COL6A6: variants seen among roughly 807,000 people sequenced by gnomAD.
The protein encoded by COL6A6 is collagen alpha-6(VI) chain.
Under a neutral mutation model 208.6 loss-of-function variants are expected in COL6A6, and 183 were observed. The observed-to-expected ratio is 0.88, with a 90% confidence interval of 0.78 to 0.99. COL6A6 has a LOEUF of 0.99. COL6A6 is among the 50% of genes least tolerant of loss of function. COL6A6 has a pLI of 0.00. For synonymous variants in COL6A6, 973 were observed against 1,011.8 expected, an observed-to-expected ratio of 0.96 and a Z score of 0.73; for missense variants, 2,816 against 2,815.2, an observed-to-expected ratio of 1.00 and a Z score of -0.01.
Position 130,675,477 on chromosome 3 carries a change from T to A in COL6A6, c.*80T>A. 1 of 1,053,054 alleles carries A rather than the reference T, an allele frequency of 9.5e-7. No individual in the cohort carries two copies. The highest frequency in any genetic ancestry group is 1.4e-6 in the Non-Finnish European group (1 of 739,966). 65.2% of individuals were successfully genotyped at this position (1,053,054 alleles called of 1,614,324 possible). A position where few individuals can be genotyped will look rare whatever the true frequency, so the allele number is the denominator to read the frequency against. On this transcript the variant is annotated 3_prime_UTR_variant, in exon 37 of 37. Coordinates refer to ENST00000358511, the MANE Select transcript of COL6A6 (RefSeq NM_001102608.3). ...TAGTAACTAAATCTGCTGCCAGAAC[T>A]CAAGCAACAGTTTGTAGGTTATCAG...
At chr3:130,533,335 G>C (rs745576108) in intron 1 of COL6A6, among the ~76,000 whole-genome samples, 1 of 148,668 alleles carries the variant, frequency 6.7e-6, no homozygotes, top group Non-Finnish European at 1.5e-5. Context: ...TCATCACTTC[G>C]TCACCTCCTT....
chr3:130,519,579 T>TAAGG (rs1439383306), intron 1 of COL6A6, among the ~76,000 whole-genome samples: 1 of 152,222 alleles, frequency 6.6e-6, no homozygotes, highest in Non-Finnish European at 1.5e-5. Context: ...ATTTAAAGTA[T>TAAGG]AAGGTAGATT....
rs182616261 is a variant in COL6A6 at position 130,599,462 on chromosome 3, G to A, written c.4600-295G>A. Among the ~76,000 whole-genome samples, 138 of 152,162 alleles carry A rather than the reference G, an allele frequency of 9.1e-4. 1 individual carries two copies. In the Middle Eastern group the frequency reaches 0.024, roughly 26 times the overall value. Reference sequence around the variant, plus strand: ...CTTTAGTTATCCACACTGTGGCAACGTAGTAGGGATAGTTTGAATTATCTG... The same window carrying A: ...CTTTAGTTATCCACACTGTGGCAACATAGTAGGGATAGTTTGAATTATCTG... On this transcript the variant is annotated intron_variant, in intron 19 of 36. Coordinates refer to ENST00000358511, the MANE Select transcript of COL6A6 (RefSeq NM_001102608.3).
At chr3:130,529,287 T>TA (rs563804664) in intron 1 of COL6A6, among the ~76,000 whole-genome samples, 4,681 of 98,486 alleles carry the variant, frequency 0.048, 88 homozygotes, top group South Asian at 0.12. Context: ...GCAGGAAATG[T>TA]AAAAAAAAAA....
intron 27 of COL6A6, among the ~76,000 whole-genome samples, chr3:130,635,437 A>G (rs1182373050): frequency 6.6e-6 from 1 of 152,188 alleles, no homozygotes; most frequent in Non-Finnish European, 1.5e-5. Flanking sequence ...ATAGAGTCAG[A>G]GGATAAAATA....
At chr3:130,636,564 A>G (rs550024053) in intron 28 of COL6A6, among the ~76,000 whole-genome samples, 1 of 152,254 alleles carries the variant, frequency 6.6e-6, no homozygotes, top group South Asian at 2.1e-4. Context: ...AAGAATTTTA[A>G]AAGTCTGATA....
rs369136687 is a variant in COL6A6, at chr3:130,599,758, G to A, written c.4601G>A (p.Gly1534Asp). 12 of 1,613,678 alleles carry A rather than the reference G, an allele frequency of 7.4e-6. No homozygotes were observed. The highest frequency in any genetic ancestry group is 1.3e-5 in the African/African-American group (1 of 75,032). Residue 1534 changes from glycine to aspartate, a missense_variant and splice_region_variant, in exon 20 of 37, where the codon GGC becomes GAC. Gly to Asp is a moderately conservative substitution (Grantham distance 94, BLOSUM62 -1). Coordinates refer to ENST00000358511, the MANE Select transcript of COL6A6 (RefSeq NM_001102608.3). ...CACATCTGTCTGTTCCTTTGACAGGGCAGAAGAGGCTGGCCAGGCCCCCCC... is the reference window on the plus strand; with the variant it reads ...CACATCTGTCTGTTCCTTTGACAGGACAGAAGAGGCTGGCCAGGCCCCCCC... The part of the protein sequence containing the change: ...TGLKGERGRQ[G>D]RRGWPGPPGT...
chr3:130,643,428 G>A (rs1438747814), intron 31 of COL6A6, among the ~76,000 whole-genome samples: 4 of 152,138 alleles, frequency 2.6e-5, no homozygotes, highest in Non-Finnish European at 5.9e-5. Flanking sequence ...TGGTGGGTGC[G>A]AGTCCTGACT....
chr3:130,573,979 C>A lies in COL6A6; in HGVS notation c.3001C>A (p.Leu1001Ile). 6.2e-7 allele frequency: 1 copy of A among 1,611,088 alleles called. No homozygotes were observed. Among genetic ancestry groups the A allele is most frequent in the Non-Finnish European group, 8.5e-7 (1 of 1,177,494 alleles). Residue 1001 changes from leucine (L) to isoleucine (I), a missense_variant, in exon 8 of 37, where the codon CTT becomes ATT. Leu to Ile is a conservative substitution (Grantham distance 5). Coordinates refer to ENST00000358511, the MANE Select transcript of COL6A6 (RefSeq NM_001102608.3). ...KVDCEIDKVD[L>I]VFLMDGSTSI... is the part of the protein sequence containing the mutation. ...AGATTGTGAAATTGACAAAGTAGATCTTGTTTTCCTTATGGATGGTTCAAC... is the reference window on the plus strand; with the variant it reads ...AGATTGTGAAATTGACAAAGTAGATATTGTTTTCCTTATGGATGGTTCAAC...
chr3:130,587,534 A>G (rs934615847), intron 11 of COL6A6, among the ~76,000 whole-genome samples: 13 of 152,364 alleles, frequency 8.5e-5, no homozygotes, highest in African/African-American at 3.1e-4. Context: ...CCTGTATAAG[A>G]TGTATCTCAA....
intron 8 of COL6A6, among the ~76,000 whole-genome samples, chr3:130,575,278 T>G (rs2063267910): frequency 6.6e-6 from 1 of 152,252 alleles, no homozygotes; most frequent in Admixed American, 6.5e-5. Context: ...TTTTTCACCT[T>G]TGAAATGTGA....
chr3:130,627,168 C>A, intron 25 of COL6A6, 151 bp from the exon 26 acceptor site: 1 of 642,010 alleles, frequency 1.6e-6, no homozygotes, highest in African/African-American at 1.8e-5. Flanking sequence ...GTACTACTAT[C>A]ATAAAATGTT....
intron 23 of COL6A6, among the ~76,000 whole-genome samples, chr3:130,615,775 T>C (rs2108241079): frequency 6.6e-6 from 1 of 152,304 alleles, no homozygotes; most frequent in East Asian, 1.9e-4. Context: ...ATATAAAATA[T>C]GGAGATGTGA....
Position 130,594,266 on chromosome 3 carries a change from T to C in COL6A6, c.4471-15T>C. 1 of 1,596,398 alleles carries C rather than the reference T, an allele frequency of 6.3e-7. No homozygotes were observed. ...CTTCTTGTCTTGTTTTTCTTCTGAT[T>C]TGTATTAACTTTAGGGAAGCCCAGG... On this transcript the variant is annotated splice_polypyrimidine_tract_variant and intron_variant, in intron 17 of 36. Transcript: ENST00000358511.
intron 7 of COL6A6, among the ~76,000 whole-genome samples, chr3:130,572,081 C>T (rs1007470971): frequency 6.6e-6 from 1 of 152,076 alleles, no homozygotes; most frequent in African/African-American, 2.4e-5. Context: ...GAAACAAATT[C>T]TCCTCCTAAG....
chr3:130,671,407 T>G (rs2066212489), intron 36 of COL6A6, among the ~76,000 whole-genome samples: 1 of 152,230 alleles, frequency 6.6e-6, no homozygotes, highest in East Asian at 1.9e-4. Flanking sequence ...ATTCACTGGA[T>G]GCTCAGCTTC....
At chr3:130,654,675 G>A (rs1257940844) in intron 33 of COL6A6, among the ~76,000 whole-genome samples, 1 of 152,174 alleles carries the variant, frequency 6.6e-6, no homozygotes, top group African/African-American at 2.4e-5. Flanking sequence ...CTCATGTAAC[G>A]TTCCAGTAGG....
chr3:130,666,342 TAA>T (rs1195559788), intron 36 of COL6A6, among the ~76,000 whole-genome samples: 1 of 152,232 alleles, frequency 6.6e-6, no homozygotes, highest in Non-Finnish European at 1.5e-5. Context: ...CATGTTTTTA[TAA>T]GAGAATGTCT....
chr3:130,662,094 A>G lies in COL6A6; in HGVS notation c.6288A>G (p.Leu2096=). Residue 2096 remains leucine (L), a synonymous_variant, in exon 35 of 37, where the codon TTA becomes TTG. Transcript: ENST00000358511. The part of the protein sequence containing the change: ...FVISAGETSH[L]DGEILKKESL... ...TATCTGCTGGGGAAACCAGCCACTT[A>G]GATGGGGAAATCTTAAAGAAGGAAT... 1 of 1,614,040 alleles carries G rather than the reference A, an allele frequency of 6.2e-7. No individual in the cohort carries two copies. The highest frequency in any genetic ancestry group is 8.5e-7 in the Non-Finnish European group (1 of 1,179,888).
Sources: gnomAD v4.1 joint callset for allele counts (sites outside exome capture counted in the v4.1 genomes callset) on GRCh38, gnomAD v4.1.1 for gene constraint, MANE v1.5 for transcripts, NCBI Gene and HGNC (gene_info 2026-07-23, HGNC 2026-07-21) for gene names.